Variants in ASXL2 observed in about 807,000 individuals in gnomAD.
ASXL2 encodes putative Polycomb group protein ASXL2.
ASXL2 carries 23 observed loss-of-function variants against 122.0 expected under a neutral mutation model. That is an observed-to-expected ratio of 0.19 (90% confidence interval 0.14 to 0.27). The LOEUF is 0.27. Among genes scored for constraint, ASXL2 ranks in the 10% least tolerant of loss-of-function variants. The pLI, the probability that ASXL2 is intolerant of heterozygous loss-of-function variation, is 1.00. For missense variants in ASXL2, 1,518 were observed against 1,713.8 expected, an observed-to-expected ratio of 0.89 and a Z score of 2.02; for synonymous variants, 650 against 637.0, an observed-to-expected ratio of 1.02 and a Z score of -0.31.
chr2:25,749,118 C>A (rs1003131742), intron 12 of ASXL2, among the ~76,000 whole-genome samples: 1 of 152,198 alleles, frequency 6.6e-6, no homozygotes, highest in African/African-American at 2.4e-5. Flanking sequence ...TTTGATTACA[C>A]CAATAGTCTC....
At chr2:25,759,714 C>T in intron 8 of ASXL2, 69 bp from the exon 9 acceptor site, 1 of 1,482,122 alleles carries the variant, frequency 6.7e-7, no homozygotes, top group Non-Finnish European at 9.1e-7. Context: ...CTGTAGCTTT[C>T]TGTGCAGTAT....
chr2:25,833,652 C>T (rs1023359569), intron 3 of ASXL2, among the ~76,000 whole-genome samples: 1 of 151,718 alleles, frequency 6.6e-6, no homozygotes. Context: ...GCTGAGATTG[C>T]ACCACTGCAC....
rs1307826659 is a variant in ASXL2 at position 25,735,108 on chromosome 2, C to A, written c.*6921G>T. 1 of 152,142 alleles carries A rather than the reference C, an allele frequency of 6.6e-6. No homozygotes were observed. The highest frequency in any genetic ancestry group is 1.5e-5 in the Non-Finnish European group (1 of 68,026). 9.4% of individuals were successfully genotyped at this position (152,142 alleles called of 1,614,324 possible). On this transcript the variant is annotated 3_prime_UTR_variant, in exon 13 of 13. Coordinates refer to ENST00000435504, the MANE Select transcript of ASXL2 (RefSeq NM_018263.6). ...GGAAAACCCACTATTTAGCCACAGC[C>A]CATCTCCAAGTTGATCCTTTCTGGC... is the stretch of plus-strand genomic sequence containing the variant.
intron 1 of ASXL2, among the ~76,000 whole-genome samples, chr2:25,858,711 G>A (rs1230367233): frequency 7.0e-6 from 1 of 143,748 alleles, no homozygotes; most frequent in Admixed American, 7.0e-5. Flanking sequence ...GACAGAGCGA[G>A]ACCCCGCCTC....
Position 25,742,135 on chromosome 2 carries a change from T to C in ASXL2, c.4202A>G (p.Tyr1401Cys), listed in dbSNP as rs1437590451. 6.2e-7 allele frequency: 1 copy of C among 1,613,900 alleles called. No individual in the cohort carries two copies. Among genetic ancestry groups the C allele is most frequent in the Admixed American group, 1.7e-5 (1 of 59,994 alleles). Residue 1401 changes from tyrosine (Y) to cysteine (C), a missense_variant, in exon 13 of 13, where the codon TAC (tyrosine) becomes TGC (cysteine). Physicochemically the swap from Tyr to Cys is radical, Grantham distance 194 (BLOSUM62 -2). Around this residue, in one of 8 missense-constraint regions of ASXL2, gnomAD observed 831 missense variants for 833.1 expected, o/e 1.00. Coordinates refer to ENST00000435504, the MANE Select transcript of ASXL2 (RefSeq NM_018263.6). ...CATGATCATGGCTTTCAAGCGGCAGTAACATTTCGAAGGCGTGCCCTCTAT... is the reference window on the plus strand; with the variant it reads ...CATGATCATGGCTTTCAAGCGGCAGCAACATTTCGAAGGCGTGCCCTCTAT... Reference protein sequence around the residue: ...NSIEGTPSKCYCRLKAMIMCK... With the variant: ...NSIEGTPSKCCCRLKAMIMCK...
In ASXL2 at chr2:25,739,876, T is replaced by C. The variant is rs193295121; in HGVS notation, c.*2153A>G. 8.7e-4 allele frequency: 190 copies of C among 218,938 alleles called. No individual in the cohort carries two copies. The highest frequency in any genetic ancestry group is 1.4e-3 in the Middle Eastern group (1 of 696). The allele number at this position is 218,938 out of a possible 1,614,324, so 13.6% of individuals were successfully genotyped here. ...CCAAAACTCTCAACCTCTTCCAGCA[T>C]GCAGACCAGCCCTCGGCCCTGGCAC... On this transcript the variant is annotated 3_prime_UTR_variant, in exon 13 of 13. Coordinates refer to ENST00000435504, the MANE Select transcript of ASXL2 (RefSeq NM_018263.6).
chr2:25,822,576 C>CAAA, intron 3 of ASXL2: 1 of 510,270 alleles, frequency 2.0e-6, no homozygotes, highest in South Asian at 1.7e-5. Context: ...CCAAACTTAA[C>CAAA]ATTCAGTTGT....
At chr2:25,841,763 C>G (rs559062532) in intron 2 of ASXL2, among the ~76,000 whole-genome samples, 1 of 152,018 alleles carries the variant, frequency 6.6e-6, no homozygotes, top group Non-Finnish European at 1.5e-5. Flanking sequence ...CTGGCTAACA[C>G]AGTGAAACCC....
intron 9 of ASXL2, among the ~76,000 whole-genome samples, chr2:25,759,185 C>A (rs2088194426): frequency 6.6e-6 from 1 of 152,068 alleles, no homozygotes; most frequent in African/African-American, 2.4e-5. Flanking sequence ...GAACTCCTGA[C>A]CTCAGGTGAT....
chr2:25,815,119 A>G (rs961193401), intron 3 of ASXL2, among the ~76,000 whole-genome samples: 3 of 152,170 alleles, frequency 2.0e-5, no homozygotes, highest in Admixed American at 6.5e-5. Flanking sequence ...ACCCTCACAT[A>G]CAACTATTCT....
At chr2:25,852,383 T>C (rs556816308) in intron 1 of ASXL2, among the ~76,000 whole-genome samples, 4 of 152,382 alleles carry the variant, frequency 2.6e-5, no homozygotes, top group African/African-American at 9.6e-5. Flanking sequence ...AGTTTGATTC[T>C]AGCCTAAATA....
chr2:25,807,726 C>T (rs1409604058), intron 3 of ASXL2, among the ~76,000 whole-genome samples: 1 of 152,034 alleles, frequency 6.6e-6, no homozygotes, highest in Non-Finnish European at 1.5e-5. Context: ...CCCTCATAGA[C>T]TGTTGGTGGA....
intron 1 of ASXL2, among the ~76,000 whole-genome samples, chr2:25,853,698 G>A (rs2089744769): frequency 6.6e-6 from 1 of 151,930 alleles, no homozygotes; most frequent in Non-Finnish European, 1.5e-5. Context: ...TTTTATAGCT[G>A]GAGTACATGA....
intron 3 of ASXL2, among the ~76,000 whole-genome samples, chr2:25,832,035 G>C (rs2089459976): frequency 6.6e-6 from 1 of 152,168 alleles, no homozygotes; most frequent in African/African-American, 2.4e-5. Context: ...AGTTTACTAA[G>C]AGAAGTAGAA....
chr2:25,842,015 G>A (rs1453319345), intron 2 of ASXL2, among the ~76,000 whole-genome samples: 5 of 151,552 alleles, frequency 3.3e-5, no homozygotes, highest in Admixed American at 3.3e-4. Flanking sequence ...GGGAGGCTGA[G>A]GCAGGAAAAT....
intron 5 of ASXL2, among the ~76,000 whole-genome samples, chr2:25,796,804 T>C (rs2088917343): frequency 6.6e-6 from 1 of 152,226 alleles, no homozygotes. Flanking sequence ...TAGAATGTTG[T>C]CTGGTGTGGT....
intron 1 of ASXL2, among the ~76,000 whole-genome samples, chr2:25,872,571 A>C (rs2089969969): frequency 6.6e-6 from 1 of 152,196 alleles, no homozygotes; most frequent in African/African-American, 2.4e-5. Context: ...AGCACCCAAC[A>C]AAACAGATAA....
intron 2 of ASXL2, among the ~76,000 whole-genome samples, chr2:25,840,491 A>G (rs1292686028): frequency 6.6e-6 from 1 of 152,200 alleles, no homozygotes; most frequent in Non-Finnish European, 1.5e-5. Context: ...CAACGTCTCT[A>G]ACAGAAATTC....
intron 3 of ASXL2, among the ~76,000 whole-genome samples, chr2:25,824,657 C>CCCGT (rs776386202): frequency 3.9e-5 from 6 of 152,132 alleles, no homozygotes; most frequent in Non-Finnish European, 5.9e-5. Context: ...AGTCTCCAAC[C>CCCGT]CCGTGGTTTA....
Sources: allele counts gnomAD v4.1 joint callset (sites outside exome capture counted in the v4.1 genomes callset), GRCh38; gene constraint gnomAD v4.1.1; regional missense constraint gnomAD v4.1.1; transcripts MANE v1.5; gene names NCBI Gene and HGNC (gene_info 2026-07-23, HGNC 2026-07-21).